PKN2: variants seen among roughly 807,000 people sequenced by gnomAD.
PKN2 encodes the protein serine/threonine-protein kinase N2.
PKN2 carries 38 observed loss-of-function variants against 119.1 expected under a neutral mutation model. The observed-to-expected ratio is 0.32, with a 90% CI of 0.25 to 0.42. The LOEUF is 0.42. Among genes scored for constraint, PKN2 ranks in the 10% least tolerant of loss-of-function variants. The pLI is 1.00. For synonymous variants in PKN2, 390 were observed against 384.9 expected (o/e 1.01, Z -0.15); for missense variants, 850 against 1,165.1 (o/e 0.73, Z 3.94).
chr1:88,760,470 C>A, intron 3 of PKN2, 94 bp downstream of exon 3: 1 of 691,466 alleles, frequency 1.4e-6, no homozygotes, highest in Non-Finnish European at 2.4e-6. Context: ...TTATTAGTAA[C>A]TCCAACATCA....
At chr1:88,709,886 G>C (rs944895760) in intron 1 of PKN2, among the ~76,000 whole-genome samples, 6 of 152,166 alleles carry the variant, frequency 3.9e-5, no homozygotes, top group Non-Finnish European at 8.8e-5. Context: ...CTTGCAAAGG[G>C]AATGGAAAGT....
At chr1:88,702,089 GC>G (rs1666793084) in intron 1 of PKN2, among the ~76,000 whole-genome samples, 1 of 152,234 alleles carries the variant, frequency 6.6e-6, no homozygotes, top group Non-Finnish European at 1.5e-5. Context: ...CTCCCGAGTA[GC>G]TGGGAATACA....
chr1:88,775,156 G>A (rs1165568614), intron 6 of PKN2, among the ~76,000 whole-genome samples: 1 of 151,488 alleles, frequency 6.6e-6, no homozygotes, highest in African/African-American at 2.4e-5. Flanking sequence ...TAGAGATGGG[G>A]TTTCTCTGTG....
At chr1:88,805,704 CAA>C (rs1177673676) in intron 11 of PKN2, 33 bp downstream of exon 11, 2 of 1,609,894 alleles carry the variant, frequency 1.2e-6, no homozygotes, top group Middle Eastern at 3.3e-4. Flanking sequence ...ATCTCTTATA[CAA>C]AGTTATTGGG....
In PKN2 at chr1:88,771,453, A is replaced by G. The variant is rs751331530; in HGVS notation, c.655A>G (p.Met219Val). ...TGTGATAAGTCCTCTTGAACTTCGGATGGAAGAATTAAGGCATCATTTTAG... is the reference window on the plus strand; with the variant it reads ...TGTGATAAGTCCTCTTGAACTTCGGGTGGAAGAATTAAGGCATCATTTTAG... ...KPVISPLELR[M>V]EELRHHFRIE... Residue 219 changes from methionine to valine, a missense_variant, in exon 5 of 22, where the codon ATG (methionine) becomes GTG (valine). Physicochemically the swap from Met to Val is conservative, Grantham distance 21. Transcript: ENST00000370521. 2.5e-6 allele frequency: 4 copies of G among 1,605,694 alleles called. No individual in the cohort carries two copies. The highest frequency in any genetic ancestry group is 2.5e-6 in the Non-Finnish European group (3 of 1,177,128).
Position 88,684,339 on chromosome 1 carries a change from A to G in PKN2, c.-242A>G, listed in dbSNP as rs1043706177. The G allele has an allele frequency of 3.5e-5, 15 of 434,228 alleles. No individual in the cohort carries two copies. Among genetic ancestry groups the G allele is most frequent in the Non-Finnish European group, 5.7e-5 (14 of 244,542 alleles). 26.9% of individuals were successfully genotyped at this position (434,228 alleles called of 1,614,324 possible). A position where few individuals can be genotyped will look rare whatever the true frequency, so the allele number is the denominator to read the frequency against. On this transcript the variant is annotated 5_prime_UTR_variant, in exon 1 of 22. Coordinates refer to ENST00000370521, the MANE Select transcript of PKN2 (RefSeq NM_006256.4). ...GGCGTCGCCCAGAGGGAGCGACTAG[A>G]CGAACAGTCCGGTGAGGGCGGCGAG...
chr1:88,714,846 G>T (rs563606593), intron 1 of PKN2, among the ~76,000 whole-genome samples: 18 of 152,242 alleles, frequency 1.2e-4, no homozygotes, highest in African/African-American at 4.1e-4. Flanking sequence ...TCCCTGTCTT[G>T]TGCCAGTTTT....
At chr1:88,733,199 T>C (rs1461594218) in intron 1 of PKN2, among the ~76,000 whole-genome samples, 2 of 152,356 alleles carry the variant, frequency 1.3e-5, no homozygotes, top group East Asian at 1.9e-4. Flanking sequence ...TCTTTGGATA[T>C]ATATACCCAG....
chr1:88,735,851 G>A (rs1668327210), intron 1 of PKN2, among the ~76,000 whole-genome samples: 1 of 151,968 alleles, frequency 6.6e-6, no homozygotes, highest in East Asian at 1.9e-4. Context: ...TGACCTTTCT[G>A]TACCTGGATA....
intron 19 of PKN2, among the ~76,000 whole-genome samples, 165 bp from the exon 20 acceptor site, chr1:88,832,579 T>C (rs78319053): frequency 0.016 from 2,505 of 151,998 alleles, 46 homozygotes; most frequent in South Asian, 0.067. Flanking sequence ...TATAGTTCTT[T>C]TGTTGTTGTT....
At chr1:88,735,171 A>G (rs543652932) in intron 1 of PKN2, among the ~76,000 whole-genome samples, 1 of 152,074 alleles carries the variant, frequency 6.6e-6, no homozygotes, top group South Asian at 2.1e-4. Context: ...GTTTGCTTGT[A>G]TGTTCGAGAC....
At chr1:88,721,046 C>G (rs1667657020) in intron 1 of PKN2, among the ~76,000 whole-genome samples, 1 of 152,100 alleles carries the variant, frequency 6.6e-6, no homozygotes, top group South Asian at 2.1e-4. Context: ...TGGGCTGGTT[C>G]TGTATTTTTG....
intron 1 of PKN2, among the ~76,000 whole-genome samples, chr1:88,686,654 A>G (rs1666114573): frequency 6.6e-6 from 1 of 152,124 alleles, no homozygotes; most frequent in Admixed American, 6.5e-5. Flanking sequence ...ATTGCATTTA[A>G]ACTTTATCGT....
intron 1 of PKN2, among the ~76,000 whole-genome samples, chr1:88,737,122 G>A (rs919154681): frequency 3.3e-5 from 5 of 152,106 alleles, no homozygotes; most frequent in South Asian, 2.1e-4. Context: ...GACGGCCACC[G>A]TAATGCTAGC....
intron 8 of PKN2, among the ~76,000 whole-genome samples, chr1:88,799,915 T>C (rs113021235): frequency 3.3e-5 from 5 of 152,354 alleles, no homozygotes; most frequent in African/African-American, 1.2e-4. Context: ...CCAAAGCCTA[T>C]GTTGTCCTCA....
intron 3 of PKN2, among the ~76,000 whole-genome samples, chr1:88,765,331 A>G (rs190031865): frequency 6.6e-6 from 1 of 151,978 alleles, no homozygotes; most frequent in Admixed American, 6.6e-5. Context: ...CAGGCAGTAA[A>G]CCAAGGTATT....
intron 1 of PKN2, among the ~76,000 whole-genome samples, chr1:88,698,532 G>A (rs963157139): frequency 1.3e-5 from 2 of 152,164 alleles, no homozygotes; most frequent in South Asian, 2.1e-4. Flanking sequence ...TAATCTTTTA[G>A]AGGCATCAAA....
chr1:88,807,380 A>G lies in PKN2; in HGVS notation c.1871A>G (p.Tyr624Cys), dbSNP rs1156752845. Residue 624 changes from tyrosine (Y) to cysteine (C), a missense_variant, in exon 13 of 22, where the codon TAC becomes TGC. Transcript: ENST00000370521. ...ATACTTCCAAAATCTCAATCTGAATACAAGCCTGATACTCCTCAGTCAGGC... is the reference window on the plus strand; with the variant it reads ...ATACTTCCAAAATCTCAATCTGAATGCAAGCCTGATACTCCTCAGTCAGGC... ...NSILPKSQSE[Y>C]KPDTPQSGLE... The G allele has an allele frequency of 2.5e-6, 4 of 1,603,568 alleles. No individual in the cohort carries two copies. The highest frequency in any genetic ancestry group is 2.7e-5 in the African/African-American group (2 of 74,638).
At chr1:88,699,190 T>C (rs13374106) in intron 1 of PKN2, among the ~76,000 whole-genome samples, 1,654 of 152,286 alleles carry the variant, frequency 0.011, 26 homozygotes, top group African/African-American at 0.039. Context: ...GACTGTTTTC[T>C]ATGTCTTTAA....
Sources: gnomAD v4.1 joint callset for allele counts (sites outside exome capture counted in the v4.1 genomes callset) on GRCh38, gnomAD v4.1.1 for gene constraint, MANE v1.5 for transcripts, NCBI Gene and HGNC (gene_info 2026-07-23, HGNC 2026-07-21) for gene names.